Variants in IL1RAPL1 observed in about 807,000 individuals in gnomAD.
The protein encoded by IL1RAPL1 is interleukin 1 receptor accessory protein like 1, also known as interleukin-1 receptor accessory protein-like 1.
Under a neutral mutation model 48.4 loss-of-function variants are expected in IL1RAPL1, and 3 were observed. The observed-to-expected ratio is 0.06, with a 90% CI of 0.03 to 0.16. IL1RAPL1 has a LOEUF of 0.16. IL1RAPL1 is among the 10% of genes least tolerant of loss of function. The pLI, the probability that IL1RAPL1 is intolerant of heterozygous loss-of-function variation, is 1.00. For synonymous variants in IL1RAPL1, 185 were observed against 187.7 expected (o/e 0.99, Z 0.12); for missense variants, 349 against 530.6 (o/e 0.66, Z 3.36).
intron 2 of IL1RAPL1, among the ~76,000 whole-genome samples, chrX:29,235,557 C>A (rs1931275333): frequency 1.8e-5 from 2 of 111,200 alleles, no homozygotes; most frequent in African/African-American, 3.3e-5. Flanking sequence ...ACATATGTAA[C>A]AAGCACTATT....
intron 6 of IL1RAPL1, among the ~76,000 whole-genome samples, chrX:29,797,500 A>G (rs746552304): frequency 8.9e-6 from 1 of 112,096 alleles, no homozygotes; most frequent in Non-Finnish European, 1.9e-5. Context: ...TCTGTTTGTT[A>G]AATCAATGCT....
intron 2 of IL1RAPL1, among the ~76,000 whole-genome samples, chrX:28,893,375 G>C (rs1054053910): frequency 9.0e-6 from 1 of 110,761 alleles, no homozygotes; most frequent in Admixed American, 9.6e-5. Context: ...AAACTGCTTG[G>C]GTGATTTGAC....
At chrX:29,094,189 A>G (rs1331341158) in intron 2 of IL1RAPL1, among the ~76,000 whole-genome samples, 1 of 111,450 alleles carries the variant, frequency 9.0e-6, no homozygotes, top group Non-Finnish European at 1.9e-5. Context: ...ATCACTGACG[A>G]TTAAAACCAG....
chrX:29,725,357 G>T (rs1363949970), intron 6 of IL1RAPL1, among the ~76,000 whole-genome samples: 5 of 110,874 alleles, frequency 4.5e-5, no homozygotes, highest in Non-Finnish European at 7.6e-5. Context: ...GAGGTAAAGG[G>T]GATGCTTCCT....
chrX:28,994,118 G>A (rs765919902), intron 2 of IL1RAPL1, among the ~76,000 whole-genome samples: 1 of 111,045 alleles, frequency 9.0e-6, no homozygotes, highest in South Asian at 3.8e-4. Context: ...TAAACAAGAA[G>A]TAAAATGACT....
intron 6 of IL1RAPL1, among the ~76,000 whole-genome samples, chrX:29,826,714 C>T (rs1249803187): frequency 8.9e-6 from 1 of 112,034 alleles, no homozygotes; most frequent in African/African-American, 3.2e-5. Flanking sequence ...TGCATCAGTA[C>T]CTCATTCCTT....
intron 6 of IL1RAPL1, among the ~76,000 whole-genome samples, chrX:29,805,868 G>C (rs1249373181): frequency 1.8e-5 from 2 of 109,705 alleles, no homozygotes; most frequent in Non-Finnish European, 1.9e-5. Flanking sequence ...GTCTATTATA[G>C]TCTTATATGA....
chrX:28,901,091 A>G (rs1343906499), intron 2 of IL1RAPL1, among the ~76,000 whole-genome samples: 1 of 111,990 alleles, frequency 8.9e-6, no homozygotes, highest in East Asian at 2.8e-4. Context: ...TATAGCGAGT[A>G]ACAAAACAAT....
Position 29,471,926 on chromosome X carries a change from T to C in IL1RAPL1, c.703+72618T>C, listed in dbSNP as rs750116699. Among the ~76,000 whole-genome samples, 6 of 112,095 alleles carry C rather than the reference T, an allele frequency of 5.4e-5. No individual in the cohort carries two copies. In the East Asian group the frequency reaches 1.1e-3, roughly 21 times the overall value. On this transcript the variant is annotated intron_variant, in intron 5 of 10. Coordinates refer to ENST00000378993, the MANE Select transcript of IL1RAPL1 (RefSeq NM_014271.4). ...AATATTCCATTGGGTATACCAAATT[T>C]TGTTATGCACACATCAGTTGATGGA...
intron 3 of IL1RAPL1, among the ~76,000 whole-genome samples, chrX:29,304,163 A>G (rs1229922985): frequency 9.2e-6 from 1 of 109,251 alleles, no homozygotes; most frequent in Non-Finnish European, 1.9e-5. Context: ...GAAAATAACT[A>G]TTTTCTTGCT....
intron 5 of IL1RAPL1, among the ~76,000 whole-genome samples, chrX:29,484,288 C>T (rs149812613): frequency 1.1e-3 from 126 of 111,486 alleles, no homozygotes; most frequent in African/African-American, 3.5e-3. Context: ...GATAATATGT[C>T]GAAGGGTATC....
Position 29,895,480 on chromosome X carries a change from G to A in IL1RAPL1, c.779-21984G>A, listed in dbSNP as rs185526556. 1.8e-3 allele frequency among the ~76,000 whole-genome samples: 201 copies of A among 112,425 alleles called. 1 individual carries two copies. Among genetic ancestry groups the A allele is most frequent in the African/African-American group, 6.2e-3 (192 of 31,042 alleles). On this transcript the variant is annotated intron_variant, in intron 6 of 10. Coordinates refer to ENST00000378993, the MANE Select transcript of IL1RAPL1 (RefSeq NM_014271.4). ...GGCAGGAGAATTGCTTGGAGGTGGAGGTTGCAGTGAGCAAGATCGCACCAC... is the reference window on the plus strand; with the variant it reads ...GGCAGGAGAATTGCTTGGAGGTGGAAGTTGCAGTGAGCAAGATCGCACCAC...
At chrX:28,864,626 T>C (rs1922032924) in intron 2 of IL1RAPL1, among the ~76,000 whole-genome samples, 1 of 110,981 alleles carries the variant, frequency 9.0e-6, no homozygotes, top group African/African-American at 3.3e-5. Flanking sequence ...GATCTAGTAG[T>C]AGAGTGTTTG....
intron 6 of IL1RAPL1, among the ~76,000 whole-genome samples, chrX:29,769,610 ATT>A (rs146650137): frequency 4.3e-3 from 185 of 43,065 alleles, no homozygotes; most frequent in African/African-American, 0.019. Context: ...TGCCTGGCTA[ATT>A]TTTTTTTTTT....
chrX:28,888,405 A>G (rs189029708), intron 2 of IL1RAPL1, among the ~76,000 whole-genome samples: 1 of 112,257 alleles, frequency 8.9e-6, no homozygotes, highest in Admixed American at 9.5e-5. Flanking sequence ...AGGTAGAAAA[A>G]CTAAATGCTT....
intron 5 of IL1RAPL1, among the ~76,000 whole-genome samples, chrX:29,562,091 GTCTA>G (rs769814349): frequency 0.019 from 1,627 of 86,168 alleles, 23 homozygotes; most frequent in Middle Eastern, 0.056. Context: ...TAATCTATCT[GTCTA>G]TCTATCTATC....
chrX:29,705,925 A>G (rs938563993), intron 6 of IL1RAPL1, among the ~76,000 whole-genome samples: 2 of 112,551 alleles, frequency 1.8e-5, no homozygotes, highest in Admixed American at 9.4e-5. Flanking sequence ...CTGCTGACAA[A>G]GACGTACCCT....
At chrX:28,775,521 C>T (rs1278653666) in intron 1 of IL1RAPL1, among the ~76,000 whole-genome samples, 2 of 111,421 alleles carry the variant, frequency 1.8e-5, no homozygotes, top group Non-Finnish European at 3.8e-5. Flanking sequence ...ATCTGCAGAG[C>T]CACTCTTTCC....
chrX:29,924,626 A>G (rs1271316298), intron 8 of IL1RAPL1, among the ~76,000 whole-genome samples: 6 of 106,812 alleles, frequency 5.6e-5, no homozygotes. Flanking sequence ...TGAAACTGTC[A>G]CATTGGGGAT....
Sources: allele counts gnomAD v4.1 joint callset (sites outside exome capture counted in the v4.1 genomes callset), GRCh38; gene constraint gnomAD v4.1.1; transcripts MANE v1.5; gene names NCBI Gene and HGNC (gene_info 2026-07-23, HGNC 2026-07-21).